Variants in MED9 observed in about 807,000 individuals in gnomAD.
The protein encoded by MED9 is mediator complex subunit 9.
MED9 carries 8 observed loss-of-function variants against 13.2 expected under a neutral mutation model. The observed-to-expected ratio is 0.61, with a 90% CI of 0.36 to 1.10. The LOEUF (loss-of-function observed/expected upper bound fraction) is 1.10, where lower values mean the gene tolerates loss of function less well. Ranked by LOEUF, MED9 falls within the 50% of genes least tolerant of loss-of-function variation. The pLI, the probability that MED9 is intolerant of heterozygous loss-of-function variation, is 0.02. For missense variants in MED9, 180 were observed against 193.4 expected (o/e 0.93, Z 0.41); for synonymous variants, 87 against 82.8 (o/e 1.05, Z -0.28).
intron 1 of MED9, among the ~76,000 whole-genome samples, chr17:17,477,898 T>C (rs2142468253): frequency 6.6e-6 from 1 of 152,344 alleles, no homozygotes; most frequent in East Asian, 1.9e-4. Flanking sequence ...TGTCATCCTT[T>C]TGGCCAGCCT....
intron 1 of MED9, chr17:17,485,307 G>A (rs1905108583): frequency 7.5e-6 from 3 of 398,340 alleles, no homozygotes; most frequent in Admixed American, 8.8e-5. Context: ...TAGTAGAGAC[G>A]GGGCTGGCCT....
Position 17,477,055 on chromosome 17 carries a change from G to A in MED9, c.14G>A (p.Gly5Glu). The stretch of plus-strand genomic sequence containing the variant: ...ACCCCCGGAGCCATGGCCTCTGCTG[G>A]GGTGGCAGCCGGGCGACAGGCGGAG... MASA[G>E]VAAGRQAEDV... Residue 5 changes from glycine to glutamate, a missense_variant, in exon 1 of 2, where the codon GGG becomes GAG. Physicochemically the swap from Gly to Glu is moderately conservative, Grantham distance 98. Coordinates refer to ENST00000268711, the MANE Select transcript of MED9 (RefSeq NM_018019.3). 1 of 1,606,368 alleles carries A rather than the reference G, an allele frequency of 6.2e-7. No individual in the cohort carries two copies. Among genetic ancestry groups the A allele is most frequent in the Non-Finnish European group, 8.5e-7 (1 of 1,179,698 alleles).
At chr17:17,482,277 G>C (rs1905044446) in intron 1 of MED9, among the ~76,000 whole-genome samples, 1 of 152,148 alleles carries the variant, frequency 6.6e-6, no homozygotes, top group African/African-American at 2.4e-5. Context: ...GGGTCACTAT[G>C]AGCAAAGAAT....
chr17:17,477,056 G>T lies in MED9; in HGVS notation c.15G>T (p.Gly5=), dbSNP rs778963066. The T allele has an allele frequency of 1.7e-5, 28 of 1,606,386 alleles. No homozygotes were observed. The highest frequency in any genetic ancestry group is 2.3e-5 in the Non-Finnish European group (27 of 1,179,692). MASA[G]VAAGRQAEDV... ...CCCCCGGAGCCATGGCCTCTGCTGG[G>T]GTGGCAGCCGGGCGACAGGCGGAGG... Residue 5 remains glycine, a synonymous_variant, in exon 1 of 2, where the codon GGG becomes GGT. Transcript: ENST00000268711.
chr17:17,479,827 AAGAAT>A (rs1186252238), intron 1 of MED9, among the ~76,000 whole-genome samples: 3 of 152,272 alleles, frequency 2.0e-5, no homozygotes, highest in African/African-American at 7.2e-5. Flanking sequence ...TAAAACCAAA[AAGAAT>A]AGGACAGGAG....
At chr17:17,489,743 C>G (rs73294319) in intron 1 of MED9, among the ~76,000 whole-genome samples, 2,611 of 152,326 alleles carry the variant, frequency 0.017, 74 homozygotes, top group African/African-American at 0.06. Flanking sequence ...TTAATGGTGT[C>G]TCTCAGTTGA....
chr17:17,491,825 G>A lies in MED9; in HGVS notation c.*330G>A. The stretch of plus-strand genomic sequence containing the variant: ...GGGAGGGGGCCATCTGCTGCGCCCG[G>A]CCCCACTGACAGATCTGAAGAGCAC... On this transcript the variant is annotated 3_prime_UTR_variant, in exon 2 of 2. Coordinates refer to ENST00000268711, the MANE Select transcript of MED9 (RefSeq NM_018019.3). 1 of 370,108 alleles carries A rather than the reference G, an allele frequency of 2.7e-6. No homozygotes were observed. Among genetic ancestry groups the A allele is most frequent in the Non-Finnish European group, 5.2e-6 (1 of 193,544 alleles). The allele number at this position is 370,108 out of a possible 1,614,324, so 22.9% of individuals were successfully genotyped here. A position where few individuals can be genotyped will look rare whatever the true frequency, so the allele number is the denominator to read the frequency against.
intron 1 of MED9, among the ~76,000 whole-genome samples, chr17:17,479,300 C>T (rs1281751992): frequency 6.6e-6 from 1 of 152,154 alleles, no homozygotes; most frequent in Non-Finnish European, 1.5e-5. Flanking sequence ...TAGTGGACCT[C>T]AAAAGAGAGG....
In MED9 at chr17:17,491,458, A is replaced by C. The variant is rs1350398564; in HGVS notation, c.404A>C (p.Tyr135Ser). The change falls in exon 2 of 2, where the codon TAC becomes TCC. Residue 135 changes from tyrosine to serine, a missense_variant. Physicochemically the swap from Tyr to Ser is moderately radical, Grantham distance 144. Transcript: ENST00000268711. The stretch of plus-strand genomic sequence containing the variant: ...ACCAAGAATGAGCTTCTGCAAAAGT[A>C]CAAGAGCCTCTGCATGTTCGAAATC... The part of the protein sequence containing the change: ...VRTKNELLQK[Y>S]KSLCMFEIPK... The C allele has an allele frequency of 6.2e-7, 1 of 1,613,932 alleles. No individual in the cohort carries two copies. The highest frequency in any genetic ancestry group is 1.3e-5 in the African/African-American group (1 of 74,938).
intron 1 of MED9, chr17:17,485,944 C>T (rs1196051077): frequency 6.6e-6 from 1 of 152,196 alleles, no homozygotes; most frequent in Non-Finnish European, 1.5e-5. Context: ...CCTCATAGGT[C>T]TTGGCAGAAC....
chr17:17,477,930 A>C (rs761214101), intron 1 of MED9, among the ~76,000 whole-genome samples: 1 of 152,348 alleles, frequency 6.6e-6, no homozygotes, highest in South Asian at 2.1e-4. Context: ...TGAGTTTTCA[A>C]AGTGACTCTG....
chr17:17,482,212 T>A (rs1343695080), intron 1 of MED9, among the ~76,000 whole-genome samples: 1 of 152,220 alleles, frequency 6.6e-6, no homozygotes, highest in Non-Finnish European at 1.5e-5. Flanking sequence ...CTTGGTGAAC[T>A]CTTGGTAGTC....
chr17:17,477,039 G>C lies in MED9; in HGVS notation c.-3G>C, dbSNP rs200061321. On this transcript the variant is annotated 5_prime_UTR_variant, in exon 1 of 2. Coordinates refer to ENST00000268711, the MANE Select transcript of MED9 (RefSeq NM_018019.3). ...GACCTCTGGCTAACCTACCCCCGGA[G>C]CCATGGCCTCTGCTGGGGTGGCAGC... 9.3e-6 allele frequency: 15 copies of C among 1,605,416 alleles called. No individual in the cohort carries two copies. In the East Asian group the frequency reaches 3.3e-4, roughly 36 times the overall value.
At position 17,491,602 on chromosome 17, in the gene MED9, C is replaced by T. The variant is rs1256250622; in HGVS notation, c.*107C>T. 6.4e-6 allele frequency: 7 copies of T among 1,090,058 alleles called. No individual in the cohort carries two copies. Among genetic ancestry groups the T allele is most frequent in the African/African-American group, 1.6e-5 (1 of 63,760 alleles). The allele number at this position is 1,090,058 out of a possible 1,614,324, so 67.5% of individuals were successfully genotyped here. A position where few individuals can be genotyped will look rare whatever the true frequency, so the allele number is the denominator to read the frequency against. On this transcript the variant is annotated 3_prime_UTR_variant, in exon 2 of 2. Coordinates refer to ENST00000268711, the MANE Select transcript of MED9 (RefSeq NM_018019.3). ...GGTTCCTGTGGACCCCAGCTCAGCT[C>T]GTCAAGCTGCAGGGGCGGGGCTCCT...
rs756925872 is a variant in MED9 at position 17,491,369 on chromosome 17, C to G, written c.315C>G (p.Pro105=). 6.2e-6 allele frequency: 10 copies of G among 1,613,866 alleles called. No individual in the cohort carries two copies. Among genetic ancestry groups the G allele is most frequent in the African/African-American group, 2.7e-5 (2 of 74,918 alleles). Residue 105 remains proline, a synonymous_variant, in exon 2 of 2, where the codon CCC becomes CCG. Coordinates refer to ENST00000268711, the MANE Select transcript of MED9 (RefSeq NM_018019.3). The part of the protein sequence containing the change: ...QEMRKLISTM[P]GIHLSPEQQQ... Reference sequence around the variant, plus strand: ...TGCGCAAGCTCATCAGCACCATGCCCGGCATCCACCTGAGCCCCGAACAGC... The same window carrying G: ...TGCGCAAGCTCATCAGCACCATGCCGGGCATCCACCTGAGCCCCGAACAGC...
At position 17,477,524 on chromosome 17, in the gene MED9, G is replaced by A. The variant is rs1904945775; in HGVS notation, c.224+259G>A. On this transcript the variant is annotated intron_variant, in intron 1 of 1. Transcript: ENST00000268711. ...GACTAAATGCAGACTCTTGTCCAGC[G>A]GCTCAAATGTTCATCCCAGCGATCT... 5 of 463,242 alleles carry A rather than the reference G, an allele frequency of 1.1e-5. No individual in the cohort carries two copies. The South Asian group carries it at 1.6e-4, about 14-fold the overall frequency. The allele number at this position is 463,242 out of a possible 1,614,324, so 28.7% of individuals were successfully genotyped here. A position where few individuals can be genotyped will look rare whatever the true frequency, so the allele number is the denominator to read the frequency against.
intron 1 of MED9, among the ~76,000 whole-genome samples, chr17:17,481,635 A>G (rs986506207): frequency 6.6e-6 from 1 of 152,198 alleles, no homozygotes; most frequent in African/African-American, 2.4e-5. Flanking sequence ...ATAAAGATCT[A>G]CCTCATTAAG....
At position 17,488,964 on chromosome 17, in the gene MED9, A is replaced by T. The variant is rs369786737; in HGVS notation, c.225-2315A>T. 3.9e-5 allele frequency among the ~76,000 whole-genome samples: 6 copies of T among 152,262 alleles called. No individual in the cohort carries two copies. In the East Asian group the frequency reaches 5.8e-4, roughly 15 times the overall value. ...TTTTCATTCCTTCTATAGTTGGCCG[A>T]TGACTAACCTTGAACACAAAGGTAG... On this transcript the variant is annotated intron_variant, in intron 1 of 1. Transcript: ENST00000268711.
rs1441065299 is a variant in MED9, at chr17:17,491,800, G to C, written c.*305G>C. 15 of 394,726 alleles carry C rather than the reference G, an allele frequency of 3.8e-5. No individual in the cohort carries two copies. The highest frequency in any genetic ancestry group is 6.2e-5 in the Non-Finnish European group (13 of 208,678). The allele number at this position is 394,726 out of a possible 1,614,324, so 24.5% of individuals were successfully genotyped here. ...GGTGGAGGACTCTCCCCTGCCTCTG[G>C]GGAGGGGGCCATCTGCTGCGCCCGG... On this transcript the variant is annotated 3_prime_UTR_variant, in exon 2 of 2. Coordinates refer to ENST00000268711, the MANE Select transcript of MED9 (RefSeq NM_018019.3).
Sources: allele counts gnomAD v4.1 joint callset (sites outside exome capture counted in the v4.1 genomes callset), GRCh38; gene constraint gnomAD v4.1.1; transcripts MANE v1.5; gene names NCBI Gene and HGNC (gene_info 2026-07-23, HGNC 2026-07-21).